SIK2: variants seen among roughly 807,000 people sequenced by gnomAD.
The protein encoded by SIK2 is salt inducible kinase 2.
SIK2 carries 29 observed loss-of-function variants against 103.2 expected under a neutral mutation model. That is an observed-to-expected ratio of 0.28 (90% CI 0.21 to 0.38). The LOEUF (loss-of-function observed/expected upper bound fraction) is 0.38, where lower values mean the gene tolerates loss of function less well. Among genes scored for constraint, SIK2 ranks in the 10% least tolerant of loss-of-function variants. The probability of loss-of-function intolerance (pLI) is 1.00; values close to 1 mark genes in which losing one functional copy is unlikely to be tolerated. For synonymous variants in SIK2, 412 were observed against 446.1 expected, an observed-to-expected ratio of 0.92 and a Z score of 0.96; for missense variants, 879 against 1,171.0, an observed-to-expected ratio of 0.75 and a Z score of 3.64.
intron 3 of SIK2, among the ~76,000 whole-genome samples, chr11:111,686,756 A>T (rs1037143752): frequency 4.6e-5 from 7 of 152,244 alleles, no homozygotes; most frequent in African/African-American, 1.7e-4. Flanking sequence ...AAGCTTCTTT[A>T]TTAAAGATTA....
rs111845343 is a variant in SIK2, at chr11:111,724,034, G to C, written c.2686G>C (p.Asp896His). 1.9e-6 allele frequency: 3 copies of C among 1,614,134 alleles called. No individual in the cohort carries two copies. The highest frequency in any genetic ancestry group is 1.1e-5 in the South Asian group (1 of 91,072). Residue 896 changes from aspartate (D) to histidine (H), a missense_variant, in exon 15 of 15, where the codon GAC becomes CAC. Physicochemically the swap from Asp to His is moderately conservative, Grantham distance 81 (BLOSUM62 -1). Transcript: ENST00000304987. The part of the protein sequence containing the change: ...PGLQEAPSSY[D>H]PLALSELPGL... Reference sequence around the variant, plus strand: ...ACTGCAAGAGGCCCCCTCCAGCTACGACCCACTAGCCCTCTCTGAGCTACC... The same window carrying C: ...ACTGCAAGAGGCCCCCTCCAGCTACCACCCACTAGCCCTCTCTGAGCTACC...
At chr11:111,623,061 C>T (rs1214937776) in intron 3 of SIK2, among the ~76,000 whole-genome samples, 1 of 152,170 alleles carries the variant, frequency 6.6e-6, no homozygotes, top group African/African-American at 2.4e-5. Flanking sequence ...TTTGAAATTG[C>T]CCCACAGCTC....
intron 3 of SIK2, among the ~76,000 whole-genome samples, chr11:111,675,281 A>C (rs1942687745): frequency 6.6e-6 from 1 of 152,234 alleles, no homozygotes; most frequent in Admixed American, 6.5e-5. Flanking sequence ...ACCAGAAGCA[A>C]GGCAGGGATA....
chr11:111,693,653 C>G (rs956068706), intron 4 of SIK2, among the ~76,000 whole-genome samples: 1 of 152,202 alleles, frequency 6.6e-6, no homozygotes, highest in African/African-American at 2.4e-5. Context: ...GAATTAATCA[C>G]ACGTCAAACA....
At chr11:111,649,389 C>T (rs1175598187) in intron 3 of SIK2, among the ~76,000 whole-genome samples, 1 of 151,984 alleles carries the variant, frequency 6.6e-6, no homozygotes, top group Non-Finnish European at 1.5e-5. Flanking sequence ...AAGGTAACCA[C>T]ATGAAGGTAT....
intron 3 of SIK2, among the ~76,000 whole-genome samples, chr11:111,673,316 G>A (rs1942653934): frequency 6.6e-6 from 1 of 152,196 alleles, no homozygotes; most frequent in Non-Finnish European, 1.5e-5. Context: ...CACAAGGTTT[G>A]ATATCCATTC....
intron 4 of SIK2, among the ~76,000 whole-genome samples, chr11:111,696,894 C>T (rs1380534769): frequency 6.6e-6 from 1 of 152,182 alleles, no homozygotes; most frequent in African/African-American, 2.4e-5. Context: ...CATTCCCCCC[C>T]TACTCACCTC....
intron 3 of SIK2, among the ~76,000 whole-genome samples, chr11:111,620,959 T>A (rs952360124): frequency 3.9e-5 from 6 of 152,346 alleles, no homozygotes; most frequent in South Asian, 2.1e-4. Context: ...TTAAAAAAAA[T>A]TTAAATATTT....
At chr11:111,621,039 A>G (rs1189104942) in intron 3 of SIK2, among the ~76,000 whole-genome samples, 1 of 152,202 alleles carries the variant, frequency 6.6e-6, no homozygotes, top group Non-Finnish European at 1.5e-5. Context: ...AGGTATCTAA[A>G]TCTTTTTTGT....
chr11:111,618,302 G>A (rs759081886), intron 2 of SIK2, among the ~76,000 whole-genome samples: 6 of 152,120 alleles, frequency 3.9e-5, no homozygotes, highest in Non-Finnish European at 5.9e-5. Context: ...TGTGTGGCCC[G>A]TTTCCTAACA....
At chr11:111,628,994 T>C (rs1789355) in intron 3 of SIK2, among the ~76,000 whole-genome samples, 91,788 of 151,868 alleles carry the variant, frequency 0.6, 30,990 homozygotes, top group East Asian at 0.96. Flanking sequence ...ATGATGCCTA[T>C]AAGGGAGTTT....
chr11:111,632,716 G>A (rs1430026563), intron 3 of SIK2, among the ~76,000 whole-genome samples: 3 of 152,050 alleles, frequency 2.0e-5, no homozygotes, highest in Non-Finnish European at 4.4e-5. Context: ...AACTTCACAA[G>A]CTTCCGTCTG....
At chr11:111,634,073 G>A (rs1049627012) in intron 3 of SIK2, among the ~76,000 whole-genome samples, 3 of 152,132 alleles carry the variant, frequency 2.0e-5, no homozygotes, top group African/African-American at 4.8e-5. Context: ...CAATTAAACC[G>A]GCAGTTAGCA....
At chr11:111,649,842 A>G (rs202183136) in intron 3 of SIK2, among the ~76,000 whole-genome samples, 1 of 152,142 alleles carries the variant, frequency 6.6e-6, no homozygotes, top group African/African-American at 2.4e-5. Context: ...CTCATAACTA[A>G]CAAGATCTTT....
At chr11:111,621,298 T>A (rs1941882254) in intron 3 of SIK2, among the ~76,000 whole-genome samples, 1 of 152,176 alleles carries the variant, frequency 6.6e-6, no homozygotes, top group South Asian at 2.1e-4. Flanking sequence ...TCTTTTGGAG[T>A]TTTATATAAA....
At chr11:111,620,924 T>C (rs573851884) in intron 3 of SIK2, among the ~76,000 whole-genome samples, 136 of 152,308 alleles carry the variant, frequency 8.9e-4, no homozygotes, top group Middle Eastern at 6.8e-3. Flanking sequence ...AAGTATTTGA[T>C]TGGTGTTTAT....
At position 111,617,359 on chromosome 11, in the gene SIK2, T is replaced by C. The variant is rs1360170825; in HGVS notation, c.252+1000T>C. ...TTGAAAACAATTATTTCTTAACATG[T>C]AGAATTTTTCTGTTGAAAAGCTCTT... On this transcript the variant is annotated intron_variant, in intron 2 of 14. Coordinates refer to ENST00000304987, the MANE Select transcript of SIK2 (RefSeq NM_015191.3). Among the ~76,000 whole-genome samples, 13 of 152,338 alleles carry C rather than the reference T, an allele frequency of 8.5e-5. No individual in the cohort carries two copies. In the East Asian group the frequency reaches 2.3e-3, roughly 27 times the overall value.
intron 3 of SIK2, among the ~76,000 whole-genome samples, chr11:111,649,805 T>C (rs577145636): frequency 4.6e-5 from 7 of 152,278 alleles, no homozygotes; most frequent in Admixed American, 3.9e-4. Context: ...AGGAAGATAC[T>C]GCAAATACTT....
intron 3 of SIK2, among the ~76,000 whole-genome samples, chr11:111,626,217 G>A (rs1941958453): frequency 6.6e-6 from 1 of 152,090 alleles, no homozygotes; most frequent in Non-Finnish European, 1.5e-5. Flanking sequence ...ATGAGTAATA[G>A]AATTAATTTA....
Sources: allele counts gnomAD v4.1 joint callset (sites outside exome capture counted in the v4.1 genomes callset), GRCh38; gene constraint gnomAD v4.1.1; transcripts MANE v1.5; gene names NCBI Gene and HGNC (gene_info 2026-07-23, HGNC 2026-07-21).